The following PCSK5 variants were observed in gnomAD, a reference collection of about 807,000 sequenced individuals.
PCSK5 encodes proprotein convertase subtilisin/kexin type 5.
Under a neutral mutation model 233.2 loss-of-function variants are expected in PCSK5, and 129 were observed. That is an observed-to-expected ratio of 0.55 (90% CI 0.48 to 0.64). The LOEUF is 0.64. Ranked by LOEUF, PCSK5 falls within the 30% of genes least tolerant of loss-of-function variation. The probability of loss-of-function intolerance (pLI) is 0.00; values close to 1 mark genes in which losing one functional copy is unlikely to be tolerated. For synonymous variants in PCSK5, 825 were observed against 879.2 expected (o/e 0.94, Z 1.09); for missense variants, 2,076 against 2,430.1 (o/e 0.85, Z 3.06).
chr9:76,315,199 C>T (rs1233293973), intron 30 of PCSK5, among the ~76,000 whole-genome samples: 1 of 152,106 alleles, frequency 6.6e-6, no homozygotes, highest in Admixed American at 6.6e-5. Context: ...GGTGATCCAC[C>T]CACCCTGGCC....
chr9:76,271,863 G>A (rs1308672345), intron 24 of PCSK5, among the ~76,000 whole-genome samples: 2 of 152,060 alleles, frequency 1.3e-5, no homozygotes, highest in Non-Finnish European at 2.9e-5. Flanking sequence ...TTATCTTGCA[G>A]CTGCATAACT....
At chr9:76,192,067 CAAAAAA>C (rs5898457) in intron 20 of PCSK5, among the ~76,000 whole-genome samples, 3 of 101,226 alleles carry the variant, frequency 3.0e-5, no homozygotes, top group Admixed American at 1.1e-4. Context: ...AAGACTGTCT[CAAAAAA>C]AAAAAAAAAA....
intron 9 of PCSK5, among the ~76,000 whole-genome samples, chr9:76,131,532 C>A (rs753642780): frequency 2.0e-5 from 3 of 152,084 alleles, no homozygotes; most frequent in Admixed American, 6.6e-5. Context: ...CTTCTAATTA[C>A]AAGCACTCCA....
chr9:76,028,196 C>T (rs1016657047), intron 5 of PCSK5, among the ~76,000 whole-genome samples: 14 of 152,240 alleles, frequency 9.2e-5, no homozygotes, highest in South Asian at 6.2e-4. Flanking sequence ...AACTTCCAAG[C>T]GAAAAGAGAG....
At chr9:76,161,812 G>C (rs1300451662) in intron 12 of PCSK5, among the ~76,000 whole-genome samples, 1 of 152,228 alleles carries the variant, frequency 6.6e-6, no homozygotes, top group Non-Finnish European at 1.5e-5. Flanking sequence ...TCTTTGCAAA[G>C]TGCTGAACAC....
At position 76,033,321 on chromosome 9, in the gene PCSK5, C is replaced by T. The variant is rs149470283; in HGVS notation, c.632+6284C>T. Among the ~76,000 whole-genome samples the T allele has an allele frequency of 2.7e-3, 413 of 152,124 alleles. 3 individuals carry two copies. Among genetic ancestry groups the T allele is most frequent in the African/African-American group, 9.3e-3 (386 of 41,492 alleles). On this transcript the variant is annotated intron_variant, in intron 5 of 37. Coordinates refer to ENST00000674117, the MANE Select transcript of PCSK5 (RefSeq NM_001372043.1). The stretch of plus-strand genomic sequence containing the variant: ...TTTTTTCTTTGTACCAAGGATTTGG[C>T]CAAATATGTTAAGATAAAGTTTTCC...
chr9:76,346,038 C>T (rs1015358369), intron 35 of PCSK5, among the ~76,000 whole-genome samples: 1 of 152,140 alleles, frequency 6.6e-6, no homozygotes, highest in Non-Finnish European at 1.5e-5. Flanking sequence ...ACATTTAAAT[C>T]TTTAATCCAT....
chr9:76,200,662 A>C (rs1587751456), intron 20 of PCSK5, among the ~76,000 whole-genome samples: 1 of 152,190 alleles, frequency 6.6e-6, no homozygotes, highest in South Asian at 2.1e-4. Flanking sequence ...AAATCAAAGA[A>C]GGTTATGATG....
intron 35 of PCSK5, among the ~76,000 whole-genome samples, chr9:76,349,120 A>AC (rs1830051201): frequency 6.6e-6 from 1 of 150,390 alleles, no homozygotes; most frequent in Non-Finnish European, 1.5e-5. Context: ...AAACATAAAA[A>AC]AAAATTAGCT....
chr9:76,074,554 C>T (rs748342033), intron 7 of PCSK5, among the ~76,000 whole-genome samples: 1 of 152,070 alleles, frequency 6.6e-6, no homozygotes, highest in Non-Finnish European at 1.5e-5. Context: ...TCAAGAAGAT[C>T]GTGTTTTCAT....
rs74576644 is a variant in PCSK5 at position 75,989,310 on chromosome 9, C to T, written c.411+3065C>T. 1.1e-3 allele frequency among the ~76,000 whole-genome samples: 172 copies of T among 152,176 alleles called. 3 individuals are homozygous for T. In the East Asian group the frequency reaches 0.03, roughly 27 times the overall value. The stretch of plus-strand genomic sequence containing the variant: ...CAATTATCTCCCAGCCTGGACAACA[C>T]GATGAAGCCCCATCTGTACCAAAAA... On this transcript the variant is annotated intron_variant, in intron 3 of 37. Coordinates refer to ENST00000674117, the MANE Select transcript of PCSK5 (RefSeq NM_001372043.1).
intron 3 of PCSK5, among the ~76,000 whole-genome samples, chr9:76,009,866 A>C (rs965192710): frequency 2.0e-5 from 3 of 152,146 alleles, no homozygotes; most frequent in Non-Finnish European, 4.4e-5. Context: ...ATGTTTATGT[A>C]GCTCTGGTGG....
intron 3 of PCSK5, among the ~76,000 whole-genome samples, chr9:76,015,270 G>C (rs1827902022): frequency 6.6e-6 from 1 of 152,218 alleles, no homozygotes; most frequent in Non-Finnish European, 1.5e-5. Flanking sequence ...CAACAGATCA[G>C]ATGATGCCCA....
In PCSK5 at chr9:76,233,448, C is replaced by G; in HGVS notation, c.2730-12C>G. 1 of 1,612,504 alleles carries G rather than the reference C, an allele frequency of 6.2e-7. No homozygotes were observed. The highest frequency in any genetic ancestry group is 8.5e-7 in the Non-Finnish European group (1 of 1,179,708). On this transcript the variant is annotated splice_polypyrimidine_tract_variant and intron_variant, in intron 21 of 37. Transcript: ENST00000674117. ...CACCCTGATGAATTCTAAAAGTCTG[C>G]TTTTCCTCTAGGATTTTTGATGATG...
At chr9:76,041,139 C>T (rs896376186) in intron 5 of PCSK5, among the ~76,000 whole-genome samples, 3 of 152,184 alleles carry the variant, frequency 2.0e-5, no homozygotes, top group South Asian at 2.1e-4. Context: ...ATCTTATTTA[C>T]GTGGTAGAAT....
chr9:76,093,364 G>A (rs1361046380), intron 7 of PCSK5, among the ~76,000 whole-genome samples: 1 of 151,868 alleles, frequency 6.6e-6, no homozygotes, highest in Non-Finnish European at 1.5e-5. Flanking sequence ...CGAAGGACTA[G>A]GATTACAGGT....
chr9:75,901,365 A>G (rs542316773), intron 1 of PCSK5, among the ~76,000 whole-genome samples: 55 of 152,308 alleles, frequency 3.6e-4, no homozygotes, highest in Admixed American at 2.2e-3. Flanking sequence ...GCAAAGTAAC[A>G]CAGGAACAGA....
chr9:76,191,332 T>C (rs1286078495), intron 20 of PCSK5, among the ~76,000 whole-genome samples: 2 of 152,310 alleles, frequency 1.3e-5, no homozygotes, highest in South Asian at 2.1e-4. Flanking sequence ...AACAGTACCA[T>C]TGTCAGGAGA....
At chr9:76,308,586 T>C in intron 28 of PCSK5, 59 bp from the exon 29 acceptor site, 2 of 949,104 alleles carry the variant, frequency 2.1e-6, no homozygotes, top group East Asian at 2.4e-5. Context: ...TTTTCAGTAC[T>C]GGAATCCTAT....
Sources: gnomAD v4.1 joint callset for allele counts (sites outside exome capture counted in the v4.1 genomes callset) on GRCh38, gnomAD v4.1.1 for gene constraint, MANE v1.5 for transcripts, NCBI Gene and HGNC (gene_info 2026-07-23, HGNC 2026-07-21) for gene names.